Variants in MTREX observed in about 807,000 individuals in gnomAD.
MTREX encodes Mtr4 exosome RNA helicase, also known as exosome RNA helicase MTR4.
A neutral mutation model predicts 135.4 loss-of-function variants in MTREX; 76 were observed. That is an observed-to-expected ratio of 0.56 (90% CI 0.47 to 0.68). The LOEUF is 0.68. Ranked by LOEUF, MTREX falls within the 30% of genes least tolerant of loss-of-function variation. The probability of loss-of-function intolerance (pLI) is 0.00; values close to 1 mark genes in which losing one functional copy is unlikely to be tolerated. For missense variants in MTREX, 920 were observed against 1,262.1 expected (o/e 0.73, Z 4.11); for synonymous variants, 404 against 401.6 (o/e 1.01, Z -0.07).
intron 1 of MTREX, among the ~76,000 whole-genome samples, chr5:55,318,190 C>T (rs1414147252): frequency 6.6e-6 from 1 of 152,080 alleles, no homozygotes; most frequent in Non-Finnish European, 1.5e-5. Flanking sequence ...ATCAGTTCAA[C>T]CGTTGTGGAA....
At chr5:55,404,466 G>T (rs1184204459) in intron 21 of MTREX, among the ~76,000 whole-genome samples, 1 of 152,054 alleles carries the variant, frequency 6.6e-6, no homozygotes, top group Non-Finnish European at 1.5e-5. Context: ...TTAACTTAAG[G>T]GCAAAGAGAA....
intron 22 of MTREX, among the ~76,000 whole-genome samples, chr5:55,408,216 AC>A (rs1467164822): frequency 2.0e-5 from 3 of 151,616 alleles, no homozygotes; most frequent in Non-Finnish European, 4.4e-5. Flanking sequence ...ATGACCTTTC[AC>A]CCCCACCCCA....
chr5:55,367,588 T>C (rs1305632033), intron 16 of MTREX, among the ~76,000 whole-genome samples: 1 of 152,176 alleles, frequency 6.6e-6, no homozygotes, highest in Admixed American at 6.5e-5. Context: ...TAGGGAAATA[T>C]AATGCTTTAA....
At chr5:55,383,510 A>G (rs543237292) in intron 18 of MTREX, among the ~76,000 whole-genome samples, 26 of 152,002 alleles carry the variant, frequency 1.7e-4, no homozygotes, top group African/African-American at 7.2e-5. Flanking sequence ...TCTGGCCTCC[A>G]TTGTTTCTGC....
intron 11 of MTREX, 141 bp from the exon 12 acceptor site, chr5:55,349,432 A>G: frequency 8.6e-6 from 5 of 580,516 alleles, no homozygotes; most frequent in Non-Finnish European, 1.6e-5. Context: ...CAAGCCAGCC[A>G]CCTGCCTCAG....
At chr5:55,362,572 G>T (rs769524883) in intron 15 of MTREX, among the ~76,000 whole-genome samples, 1 of 151,930 alleles carries the variant, frequency 6.6e-6, no homozygotes, top group Non-Finnish European at 1.5e-5. Context: ...TGTTAGCCAG[G>T]CTGGTCTTGA....
chr5:55,408,684 A>G (rs1750842214), intron 22 of MTREX, among the ~76,000 whole-genome samples: 2 of 152,144 alleles, frequency 1.3e-5, no homozygotes, highest in Non-Finnish European at 2.9e-5. Flanking sequence ...TCATCTTTGT[A>G]GTGTTTCTTT....
intron 1 of MTREX, among the ~76,000 whole-genome samples, chr5:55,311,266 A>G (rs929626878): frequency 5.9e-5 from 9 of 151,676 alleles, no homozygotes; most frequent in Non-Finnish European, 1.2e-4. Flanking sequence ...ATATTTCAGT[A>G]TTTATGTCAT....
chr5:55,386,863 T>C (rs1750489071), intron 18 of MTREX, among the ~76,000 whole-genome samples: 1 of 152,118 alleles, frequency 6.6e-6, no homozygotes, highest in Non-Finnish European at 1.5e-5. Context: ...TTTCCTCCTC[T>C]GTAAAGCTAA....
intron 2 of MTREX, among the ~76,000 whole-genome samples, chr5:55,322,717 T>G (rs1011762210): frequency 6.6e-6 from 1 of 151,876 alleles, no homozygotes; most frequent in Non-Finnish European, 1.5e-5. Flanking sequence ...AAAACCTGAT[T>G]AAAAAAAATA....
intron 26 of MTREX, 63 bp downstream of exon 26, chr5:55,423,045 C>T (rs1297578717): frequency 3.2e-6 from 4 of 1,257,392 alleles, no homozygotes; most frequent in Non-Finnish European, 4.6e-6. Context: ...AATCTTGAGC[C>T]CTGGACCACA....
At chr5:55,343,583 G>C in intron 8 of MTREX, 128 bp downstream of exon 8, 1 of 766,132 alleles carries the variant, frequency 1.3e-6, no homozygotes, top group Non-Finnish European at 2.0e-6. Flanking sequence ...ATGGTAAACT[G>C]CTTCTCAAAT....
At chr5:55,407,059 A>G (rs1258235220) in intron 22 of MTREX, among the ~76,000 whole-genome samples, 1 of 152,240 alleles carries the variant, frequency 6.6e-6, no homozygotes, top group African/African-American at 2.4e-5. Context: ...CTCAGTGAAT[A>G]TATAAAAGAC....
At chr5:55,423,234 A>C (rs962136900) in intron 26 of MTREX, 10 of 420,404 alleles carry the variant, frequency 2.4e-5, no homozygotes, top group Admixed American at 8.3e-5. Flanking sequence ...TAGGGGATAT[A>C]GTGAACAAAA....
At position 55,425,432 on chromosome 5, in the gene MTREX, G is replaced by T. The variant is rs1579910765; in HGVS notation, c.*660G>T. 1 of 1,151,060 alleles carries T rather than the reference G, an allele frequency of 8.7e-7. No homozygotes were observed. The highest frequency in any genetic ancestry group is 1.2e-6 in the Non-Finnish European group (1 of 818,680). The allele number at this position is 1,151,060 out of a possible 1,614,324, so 71.3% of individuals were successfully genotyped here. A position where few individuals can be genotyped will look rare whatever the true frequency, so the allele number is the denominator to read the frequency against. ...ATCCTAAGATAAATATAAACAAAAG[G>T]ATATACTTTGAGGTGTACAGATTAA... On this transcript the variant is annotated 3_prime_UTR_variant, in exon 27 of 27. Transcript: ENST00000230640.
intron 18 of MTREX, among the ~76,000 whole-genome samples, chr5:55,382,238 T>A (rs1357886809): frequency 6.6e-6 from 1 of 152,174 alleles, no homozygotes; most frequent in Non-Finnish European, 1.5e-5. Flanking sequence ...CTTCTTTTAC[T>A]GCTTCCTTTT....
At chr5:55,311,734 G>A (rs567869711) in intron 1 of MTREX, among the ~76,000 whole-genome samples, 1 of 152,244 alleles carries the variant, frequency 6.6e-6, no homozygotes, top group African/African-American at 2.4e-5. Context: ...AATTGGAAAC[G>A]TTAATATGAA....
At chr5:55,308,689 A>G (rs550205038) in intron 1 of MTREX, among the ~76,000 whole-genome samples, 16 of 152,190 alleles carry the variant, frequency 1.1e-4, no homozygotes, top group Non-Finnish European at 1.6e-4. Context: ...GCTAGCTATC[A>G]CTAATAAATG....
At chr5:55,370,279 C>T (rs1329252799) in intron 16 of MTREX, among the ~76,000 whole-genome samples, 1 of 152,162 alleles carries the variant, frequency 6.6e-6, no homozygotes, top group Non-Finnish European at 1.5e-5. Context: ...TAGAGCACTT[C>T]CTGAACTTAG....
Sources: allele counts gnomAD v4.1 joint callset (sites outside exome capture counted in the v4.1 genomes callset), GRCh38; gene constraint gnomAD v4.1.1; transcripts MANE v1.5; gene names NCBI Gene and HGNC (gene_info 2026-07-23, HGNC 2026-07-21).